ATP9A: variants seen among roughly 807,000 people sequenced by gnomAD.
The protein encoded by ATP9A is ATPase phospholipid transporting 9A.
A neutral mutation model predicts 144.1 loss-of-function variants in ATP9A; 52 were observed. The ratio of observed to expected loss-of-function variants is 0.36; its 90% confidence interval spans 0.29 to 0.45. The LOEUF is 0.45. ATP9A is among the 20% of genes least tolerant of loss of function. The pLI is 1.00. For missense variants in ATP9A, 947 were observed against 1,392.7 expected (o/e 0.68, Z 5.09); for synonymous variants, 582 against 557.4 (o/e 1.04, Z -0.62).
intron 27 of ATP9A, among the ~76,000 whole-genome samples, chr20:51,601,560 TCTTCTGTAG>T (rs1295068743): frequency 6.6e-6 from 1 of 152,202 alleles, no homozygotes; most frequent in Non-Finnish European, 1.5e-5. Flanking sequence ...CCTCGCTCTC[TCTTCTGTAG>T]CTTCCTGACA....
chr20:51,763,444 C>G (rs1381403860), intron 1 of ATP9A, among the ~76,000 whole-genome samples: 3 of 151,726 alleles, frequency 2.0e-5, no homozygotes, highest in Non-Finnish European at 4.4e-5. Context: ...TCCTGAGTAG[C>G]TGGGACTACA....
At chr20:51,696,027 G>A in intron 6 of ATP9A, 66 bp downstream of exon 6, 2 of 1,414,172 alleles carry the variant, frequency 1.4e-6, no homozygotes, top group Non-Finnish European at 2.0e-6. Context: ...ATTTTCAAAT[G>A]ATTATTTTGC....
rs147868370 is a variant in ATP9A at position 51,667,055 on chromosome 20, C to A, written c.1293+2942G>T. Among the ~76,000 whole-genome samples, 4 of 152,240 alleles carry A rather than the reference C, an allele frequency of 2.6e-5. No individual in the cohort carries two copies. In the East Asian group the frequency reaches 7.7e-4, roughly 29 times the overall value. On this transcript the variant is annotated intron_variant, in intron 13 of 27. Coordinates refer to ENST00000338821, the MANE Select transcript of ATP9A (RefSeq NM_006045.3). Reference sequence around the variant, plus strand: ...GTTCACCCCAGCCTCGCACAGCTAACCCTAACCCCACAACACACAGCTGTG... The same window carrying A: ...GTTCACCCCAGCCTCGCACAGCTAAACCTAACCCCACAACACACAGCTGTG...
At chr20:51,637,306 T>TAAAAAAAAAA (rs3029335) in intron 15 of ATP9A, among the ~76,000 whole-genome samples, 9 of 89,980 alleles carry the variant, frequency 1.0e-4, no homozygotes, top group East Asian at 4.9e-4. Flanking sequence ...TCCCTAACAT[T>TAAAAAAAAAA]AAAAAAAAAA....
intron 13 of ATP9A, 41 bp downstream of exon 13, chr20:51,669,956 A>T: frequency 6.9e-7 from 1 of 1,453,330 alleles, no homozygotes; most frequent in Non-Finnish European, 9.6e-7. Flanking sequence ...AAAAAAAAAA[A>T]GTCAAAGAAT....
At chr20:51,613,545 C>T in intron 23 of ATP9A, 132 bp downstream of exon 23, 1 of 1,076,414 alleles carries the variant, frequency 9.3e-7, no homozygotes, top group Non-Finnish European at 1.3e-6. Context: ...AGCTCCAAAG[C>T]ATAATCTAAT....
chr20:51,736,803 T>G (rs1472851493), intron 1 of ATP9A, among the ~76,000 whole-genome samples: 1 of 151,836 alleles, frequency 6.6e-6, no homozygotes, highest in Non-Finnish European at 1.5e-5. Context: ...AAACAGGAAT[T>G]ATTTATGAGG....
intron 19 of ATP9A, among the ~76,000 whole-genome samples, chr20:51,619,869 C>CAAA (rs564118011): frequency 0.35 from 29,540 of 83,228 alleles, 4,206 homozygotes; most frequent in Non-Finnish European, 0.41. Context: ...AACTCTGTCT[C>CAAA]AAAAAAAAAA....
intron 9 of ATP9A, among the ~76,000 whole-genome samples, chr20:51,677,204 G>C (rs2077481138): frequency 6.6e-6 from 1 of 151,976 alleles, no homozygotes; most frequent in Non-Finnish European, 1.5e-5. Flanking sequence ...AAAGTGCTTG[G>C]ATTACAGGCA....
At chr20:51,689,178 G>GT (rs1568821599) in intron 8 of ATP9A, 39 bp from the exon 9 acceptor site, 7 of 1,594,862 alleles carry the variant, frequency 4.4e-6, no homozygotes, top group Non-Finnish European at 5.2e-6. Flanking sequence ...ACCCCCCAAA[G>GT]CTTCCCCAGA....
intron 14 of ATP9A, among the ~76,000 whole-genome samples, chr20:51,654,125 C>T (rs2077377906): frequency 6.6e-6 from 1 of 152,134 alleles, no homozygotes; most frequent in African/African-American, 2.4e-5. Context: ...ACACAATTCC[C>T]ATCTCAGAAG....
chr20:51,727,930 C>CA (rs11286785), intron 2 of ATP9A, among the ~76,000 whole-genome samples: 3 of 134,130 alleles, frequency 2.2e-5, no homozygotes, highest in South Asian at 2.5e-4. Context: ...GACTCAGTCT[C>CA]AAAAAAAAAA....
In ATP9A at chr20:51,718,364, A is replaced by G. The variant is rs193275338; in HGVS notation, c.328-5290T>C. On this transcript the variant is annotated intron_variant, in intron 3 of 27. Transcript: ENST00000338821. ...CTACACAGGTGATTTTCATCACCCT[A>G]TGTGTGTGTGGGGGGGGGTTGTTTG... is the stretch of plus-strand genomic sequence containing the variant. 6.0e-4 allele frequency among the ~76,000 whole-genome samples: 85 copies of G among 141,696 alleles called. No individual in the cohort carries two copies. The East Asian group carries it at 0.018, about 31-fold the overall frequency. The allele number at this position is 141,696 out of a possible 152,430, so 93.0% of individuals were successfully genotyped here.
At chr20:51,707,251 T>C (rs970853469) in intron 4 of ATP9A, among the ~76,000 whole-genome samples, 2 of 152,190 alleles carry the variant, frequency 1.3e-5, no homozygotes, top group East Asian at 1.9e-4. Context: ...TTCATTTGCA[T>C]TGGGTCCCAC....
intron 7 of ATP9A, 43 bp from the exon 8 acceptor site, chr20:51,690,862 A>G (rs2077545669): frequency 3.3e-6 from 5 of 1,502,732 alleles, no homozygotes; most frequent in Non-Finnish European, 4.6e-6. Context: ...GTCAGTTCAC[A>G]ATGCAAGACT....
intron 26 of ATP9A, among the ~76,000 whole-genome samples, chr20:51,605,867 C>A (rs1489690272): frequency 7.2e-6 from 1 of 139,094 alleles, no homozygotes; most frequent in African/African-American, 2.7e-5. Context: ...AAGCCGAGAT[C>A]GTGCCACTGC....
At chr20:51,756,150 C>A (rs2077854899) in intron 1 of ATP9A, among the ~76,000 whole-genome samples, 1 of 152,156 alleles carries the variant, frequency 6.6e-6, no homozygotes, top group Non-Finnish European at 1.5e-5. Context: ...TTCTCACAGT[C>A]CTGGAGGCCA....
intron 1 of ATP9A, among the ~76,000 whole-genome samples, chr20:51,751,754 A>T (rs2122904473): frequency 6.6e-6 from 1 of 151,868 alleles, no homozygotes; most frequent in South Asian, 2.1e-4. Context: ...CGCCCGGCTA[A>T]TTTTTTTGTA....
chr20:51,692,658 C>T (rs979508688), intron 7 of ATP9A, among the ~76,000 whole-genome samples: 4 of 152,016 alleles, frequency 2.6e-5, no homozygotes, highest in Admixed American at 1.3e-4. Flanking sequence ...AAATATTAGC[C>T]GGGCGTGGTG....
Sources: allele counts gnomAD v4.1 joint callset (sites outside exome capture counted in the v4.1 genomes callset), GRCh38; gene constraint gnomAD v4.1.1; transcripts MANE v1.5; gene names NCBI Gene and HGNC (gene_info 2026-07-23, HGNC 2026-07-21).